The following IFNGR2 variants were observed in gnomAD, a reference collection of about 807,000 sequenced individuals.
IFNGR2 encodes the protein IFN-gamma receptor 2.
Under a neutral mutation model 41.1 loss-of-function variants are expected in IFNGR2, and 15 were observed. The ratio of observed to expected loss-of-function variants is 0.37; its 90% CI spans 0.24 to 0.56. The LOEUF is 0.56. Among genes scored for constraint, IFNGR2 ranks in the 20% least tolerant of loss-of-function variants. The pLI, the probability that IFNGR2 is intolerant of heterozygous loss-of-function variation, is 0.81. For missense variants in IFNGR2, 362 were observed against 415.7 expected, an observed-to-expected ratio of 0.87 and a Z score of 1.12; for synonymous variants, 161 against 171.6, an observed-to-expected ratio of 0.94 and a Z score of 0.48.
At chr21:33,415,723 T>C in intron 2 of IFNGR2, among the ~76,000 whole-genome samples, 1 of 152,242 alleles carries the variant, frequency 6.6e-6, no homozygotes, top group African/African-American at 2.4e-5. Flanking sequence ...CTGGTTCATA[T>C]GTGTTCACCT....
At chr21:33,406,873 T>A (rs1421774416) in intron 1 of IFNGR2, among the ~76,000 whole-genome samples, 1 of 152,002 alleles carries the variant, frequency 6.6e-6, no homozygotes, top group Admixed American at 6.6e-5. Context: ...GGTTTTGAAC[T>A]CCTGGGGTCA....
At chr21:33,428,026 C>T (rs1447427602) in intron 4 of IFNGR2, among the ~76,000 whole-genome samples, 5 of 151,276 alleles carry the variant, frequency 3.3e-5, no homozygotes, top group Non-Finnish European at 1.5e-5. Flanking sequence ...CCACCGTGCC[C>T]GGCCCATTTC....
chr21:33,431,555 C>T (rs1201511601), intron 4 of IFNGR2, among the ~76,000 whole-genome samples: 2 of 151,916 alleles, frequency 1.3e-5, no homozygotes, highest in African/African-American at 2.4e-5. Context: ...GGTGACAGAG[C>T]GAAACTCCAT....
chr21:33,408,531 C>A (rs575424633), intron 1 of IFNGR2, among the ~76,000 whole-genome samples: 3 of 152,220 alleles, frequency 2.0e-5, no homozygotes, highest in Non-Finnish European at 4.4e-5. Flanking sequence ...GTCTGAAATG[C>A]CTGGATCTGG....
chr21:33,432,663 T>G lies in IFNGR2; in HGVS notation c.722-51T>G, dbSNP rs1196916520. On this transcript the variant is annotated intron_variant, in intron 5 of 6. Transcript: ENST00000290219. ...CATGGATGGAACATTAACTGATGTT[T>G]GTGTTGTGCGTAGGAAGATCATTCT... The G allele has an allele frequency of 2.5e-6, 4 of 1,587,278 alleles. No homozygotes were observed. In the African/African-American group the frequency reaches 5.4e-5, roughly 21 times the overall value.
chr21:33,427,767 T>A (rs1265215074), intron 4 of IFNGR2, among the ~76,000 whole-genome samples: 2 of 151,630 alleles, frequency 1.3e-5, no homozygotes, highest in African/African-American at 4.8e-5. Context: ...TTTTTGATAA[T>A]AAGAGCTTAC....
chr21:33,415,511 C>G (rs931191159), intron 2 of IFNGR2, among the ~76,000 whole-genome samples: 1 of 152,194 alleles, frequency 6.6e-6, no homozygotes, highest in African/African-American at 2.4e-5. Flanking sequence ...CCTCTTCAAG[C>G]TTTTGCAGAA....
At chr21:33,410,890 A>G (rs1447300279) in intron 1 of IFNGR2, 45 of 1,538,394 alleles carry the variant, frequency 2.9e-5, no homozygotes, top group Non-Finnish European at 3.3e-5. Context: ...GCAGCTACTC[A>G]TGGTAAGACA....
intron 1 of IFNGR2, chr21:33,410,690 A>C: frequency 1.6e-6 from 1 of 610,404 alleles, no homozygotes; most frequent in South Asian, 1.8e-5. Flanking sequence ...CTGGTTTCAA[A>C]CTCCCAAACT....
At chr21:33,412,607 G>A (rs1419818837) in intron 1 of IFNGR2, among the ~76,000 whole-genome samples, 1 of 152,182 alleles carries the variant, frequency 6.6e-6, no homozygotes, top group African/African-American at 2.4e-5. Flanking sequence ...CCAGGCTGGA[G>A]CGCAGTGGTG....
At chr21:33,434,452 G>A (rs1601095196) in intron 6 of IFNGR2, among the ~76,000 whole-genome samples, 1 of 152,150 alleles carries the variant, frequency 6.6e-6, no homozygotes, top group South Asian at 2.1e-4. Flanking sequence ...AACCCAGGAG[G>A]TGGAAGTTAC....
At chr21:33,414,235 C>A (rs553127516) in intron 1 of IFNGR2, among the ~76,000 whole-genome samples, 5 of 152,290 alleles carry the variant, frequency 3.3e-5, no homozygotes, top group Non-Finnish European at 7.3e-5. Flanking sequence ...ACCAGCACCC[C>A]TGTGATTGCG....
intron 6 of IFNGR2, among the ~76,000 whole-genome samples, chr21:33,435,774 T>C (rs377004384): frequency 5.4e-5 from 8 of 148,794 alleles, no homozygotes; most frequent in Middle Eastern, 3.6e-3. Context: ...TCCCAGCTAC[T>C]TGGGAGGCTG....
intron 2 of IFNGR2, among the ~76,000 whole-genome samples, chr21:33,417,143 G>A (rs1479748843): frequency 6.6e-6 from 1 of 151,552 alleles, no homozygotes; most frequent in Non-Finnish European, 1.5e-5. Context: ...CCAGGCTGGA[G>A]TGCAGTGGCA....
chr21:33,410,251 C>T (rs180978455), intron 1 of IFNGR2, among the ~76,000 whole-genome samples: 18 of 151,280 alleles, frequency 1.2e-4, no homozygotes, highest in African/African-American at 3.4e-4. Flanking sequence ...ACTGCAGCCT[C>T]CACCTCCCAG....
chr21:33,424,135 T>C (rs894276799), intron 3 of IFNGR2, among the ~76,000 whole-genome samples: 2 of 151,986 alleles, frequency 1.3e-5, no homozygotes, highest in Non-Finnish European at 2.9e-5. Flanking sequence ...ACCCCATCTC[T>C]ACTAAAAATA....
intron 2 of IFNGR2, among the ~76,000 whole-genome samples, chr21:33,416,047 G>T (rs558786310): frequency 8.2e-4 from 125 of 152,240 alleles, no homozygotes; most frequent in Middle Eastern, 3.4e-3. Flanking sequence ...GTAGAGATGG[G>T]GTTTTGCCAT....
intron 2 of IFNGR2, 48 bp downstream of exon 2, chr21:33,415,068 C>G: frequency 1.2e-6 from 2 of 1,610,170 alleles, no homozygotes; most frequent in Non-Finnish European, 1.7e-6. Flanking sequence ...GTGGGGGCAT[C>G]GTGCGGAACC....
chr21:33,431,505 G>C (rs1048352574), intron 4 of IFNGR2, among the ~76,000 whole-genome samples: 4 of 152,174 alleles, frequency 2.6e-5, no homozygotes, highest in African/African-American at 9.7e-5. Flanking sequence ...GGGAGGCGGA[G>C]GTTGCAGTGA....
Sources: gnomAD v4.1 joint callset for allele counts (sites outside exome capture counted in the v4.1 genomes callset) on GRCh38, gnomAD v4.1.1 for gene constraint, MANE v1.5 for transcripts, NCBI Gene and HGNC (gene_info 2026-07-23, HGNC 2026-07-21) for gene names.